The following SLC9A3 variants were observed in gnomAD, a reference collection of about 807,000 sequenced individuals.
SLC9A3 encodes the protein solute carrier family 9 member A3, also known as sodium/hydrogen exchanger 3.
In SLC9A3, 37 loss-of-function variants were observed where a neutral mutation model predicts 86.8. The ratio of observed to expected loss-of-function variants is 0.43; its 90% CI spans 0.33 to 0.56. SLC9A3 has a LOEUF of 0.56. Ranked by LOEUF, SLC9A3 falls within the 20% of genes least tolerant of loss-of-function variation. SLC9A3 has a pLI of 0.06. For missense variants in SLC9A3, 1,011 were observed against 1,171.9 expected (o/e 0.86, Z 2.00); for synonymous variants, 581 against 528.3 (o/e 1.10, Z -1.37).
intron 1 of SLC9A3, among the ~76,000 whole-genome samples, chr5:508,764 A>T (rs1740737791): frequency 1.3e-5 from 2 of 152,216 alleles, no homozygotes; most frequent in Non-Finnish European, 2.9e-5. Flanking sequence ...CGGGAGTCAC[A>T]CATGAGAACT....
intron 1 of SLC9A3, among the ~76,000 whole-genome samples, chr5:509,139 G>GA (rs1220238304): frequency 2.0e-5 from 3 of 150,984 alleles, no homozygotes; most frequent in African/African-American, 4.9e-5. Context: ...AGAAGATAGA[G>GA]AAAAAAAGAC....
intron 1 of SLC9A3, among the ~76,000 whole-genome samples, chr5:510,280 C>T (rs868418165): frequency 6.6e-6 from 1 of 152,212 alleles, no homozygotes; most frequent in Non-Finnish European, 1.5e-5. Context: ...TACGCTGCCA[C>T]GGAGCTCTAA....
At position 497,911 on chromosome 5, in the gene SLC9A3, C is replaced by T. The variant is rs113171364; in HGVS notation, c.212-5840G>A. Among the ~76,000 whole-genome samples, 5,632 of 114,542 alleles carry T rather than the reference C, an allele frequency of 0.049. 585 individuals carry two copies. The highest frequency in any genetic ancestry group is 0.088 in the Non-Finnish European group (3,956 of 45,024). 75.1% of individuals were successfully genotyped at this position (114,542 alleles called of 152,430 possible). On this transcript the variant is annotated intron_variant, in intron 1 of 16. Transcript: ENST00000264938. This position sits in a 1 kb window ranked among gnomAD's most constrained non-coding sequence, Gnocchi z 5.4. The stretch of plus-strand genomic sequence containing the variant: ...TGTCCCGGGTGGGGTCGCCCGGCCG[C>T]ATCCCCAGCCTCTGCCCTCCGACAA...
Position 509,154 on chromosome 5 carries a change from A to G in SLC9A3, c.211+14958T>C, listed in dbSNP as rs551886284. On this transcript the variant is annotated intron_variant, in intron 1 of 16. Coordinates refer to ENST00000264938, the MANE Select transcript of SLC9A3 (RefSeq NM_004174.4). ...AGAAGATAGAGAAAAAAAGACACATAAAGAAAATGTAGGGCCAGGCACAGT... is the reference window on the plus strand; with the variant it reads ...AGAAGATAGAGAAAAAAAGACACATGAAGAAAATGTAGGGCCAGGCACAGT... 4.0e-5 allele frequency among the ~76,000 whole-genome samples: 6 copies of G among 149,440 alleles called. No homozygotes were observed. The South Asian group carries it at 1.3e-3, about 32-fold the overall frequency.
In SLC9A3 at chr5:491,625, ACGGGGCTGCCAG is replaced by A; in HGVS notation, c.514+132_514+143del. On this transcript the variant is annotated intron_variant, in intron 2 of 16. Transcript: ENST00000264938. This position sits in a 1 kb window ranked among gnomAD's most constrained non-coding sequence, Gnocchi z 9.2. ...GGACTGGCCTTGGTCACGAGGGCCTACGGGGCTGCCAGCCACGTTTCTCACCTGACACTTACC... is the reference window on the plus strand; with the variant it reads ...GGACTGGCCTTGGTCACGAGGGCCTACCACGTTTCTCACCTGACACTTACC... The A allele has an allele frequency of 1.4e-6, 1 of 696,676 alleles. No individual in the cohort carries two copies. Among genetic ancestry groups the A allele is most frequent in the Non-Finnish European group, 2.3e-6 (1 of 435,182 alleles). 43.2% of individuals were successfully genotyped at this position (696,676 alleles called of 1,614,324 possible).
At chr5:480,241 A>C (rs1739077638) in intron 9 of SLC9A3, 2 of 381,432 alleles carry the variant, frequency 5.2e-6, no homozygotes, top group Admixed American at 8.7e-5. Flanking sequence ...TGGTCAGGCA[A>C]GGGGGCTTTG....
At position 473,417 on chromosome 5, in the gene SLC9A3, C is replaced by T. The variant is rs1327173060; in HGVS notation, c.2502-35G>A. 17 of 1,375,200 alleles carry T rather than the reference C, an allele frequency of 1.2e-5. No individual in the cohort carries two copies. In the Admixed American group the frequency reaches 3.4e-4, roughly 28 times the overall value. The allele number at this position is 1,375,200 out of a possible 1,614,324, so 85.2% of individuals were successfully genotyped here. On this transcript the variant is annotated intron_variant, in intron 16 of 16. Transcript: ENST00000264938. ...AGGAAGGCGTGAGCGGCGCGCGGAG[C>T]CCGGGCGCTGGGGCGGGAGGGGCGT...
chr5:519,830 G>C (rs531691876), intron 1 of SLC9A3, among the ~76,000 whole-genome samples: 1 of 151,962 alleles, frequency 6.6e-6, no homozygotes, highest in Non-Finnish European at 1.5e-5. Flanking sequence ...CGCTCAGAGG[G>C]GGGTGGGGGG....
intron 10 of SLC9A3, chr5:479,525 G>A (rs924505182): frequency 1.1e-4 from 38 of 344,502 alleles, no homozygotes; most frequent in Non-Finnish European, 1.6e-4. Flanking sequence ...ACCAGGTCCC[G>A]TAACAGCCTG....
intron 1 of SLC9A3, among the ~76,000 whole-genome samples, chr5:504,072 G>A (rs111582840): frequency 0.014 from 2,165 of 151,164 alleles, 58 homozygotes; most frequent in African/African-American, 0.048. Context: ...CATCAATCAC[G>A]GAAGTTTAGC....
In SLC9A3 at chr5:471,783, G is replaced by A. The variant is rs1323218514; in HGVS notation, c.*1596C>T. ...TGCAGTTAGGGTCGAGAGCTTCTCCGAAGCAGCGGTCATGCAGGCTTTTGT... is the reference window on the plus strand; with the variant it reads ...TGCAGTTAGGGTCGAGAGCTTCTCCAAAGCAGCGGTCATGCAGGCTTTTGT... On this transcript the variant is annotated 3_prime_UTR_variant, in exon 17 of 17. Transcript: ENST00000264938. The A allele has an allele frequency of 4.4e-6, 2 of 456,520 alleles. No homozygotes were observed. The highest frequency in any genetic ancestry group is 8.8e-6 in the Non-Finnish European group (2 of 226,934). The allele number at this position is 456,520 out of a possible 1,614,324, so 28.3% of individuals were successfully genotyped here.
At chr5:479,815 C>A (rs200734387) in intron 10 of SLC9A3, 21 bp downstream of exon 10, 11 of 1,611,982 alleles carry the variant, frequency 6.8e-6, no homozygotes, top group Non-Finnish European at 9.3e-6. Flanking sequence ...CCCGACCCGG[C>A]AGAGCAAGCG....
chr5:487,620 G>A (rs976986268), intron 3 of SLC9A3, among the ~76,000 whole-genome samples: 1 of 152,160 alleles, frequency 6.6e-6, no homozygotes, highest in Non-Finnish European at 1.5e-5. Flanking sequence ...TTGTCATGGC[G>A]GCCCTGGCAG....
intron 1 of SLC9A3, among the ~76,000 whole-genome samples, chr5:494,846 C>T (rs1739948163): frequency 6.6e-6 from 1 of 152,204 alleles, no homozygotes; most frequent in Non-Finnish European, 1.5e-5. Flanking sequence ...CTGGCAAGAC[C>T]CACCCAGGCC....
intron 2 of SLC9A3, among the ~76,000 whole-genome samples, chr5:489,713 C>T (rs1178258010): frequency 1.3e-5 from 2 of 152,222 alleles, no homozygotes; most frequent in African/African-American, 4.8e-5. Flanking sequence ...GGACACGAAT[C>T]CCCTTCAAGG....
intron 3 of SLC9A3, among the ~76,000 whole-genome samples, chr5:487,781 T>C (rs1023215823): frequency 5.3e-5 from 8 of 152,228 alleles, no homozygotes; most frequent in Admixed American, 5.2e-4. Context: ...GATTCTCCTG[T>C]CTCAGCCTCC....
rs397737896 is a variant in SLC9A3, at chr5:522,117, C to CTT, written c.211+1994_211+1995insAA. 5.3e-5 allele frequency among the ~76,000 whole-genome samples: 8 copies of CTT among 151,392 alleles called. No homozygotes were observed. The South Asian group carries it at 1.0e-3, about 20-fold the overall frequency. On this transcript the variant is annotated intron_variant, in intron 1 of 16. Transcript: ENST00000264938. ...TCCCACAGCTGCACAGGGTAAGGCT[C>CTT]GCCTTCCCAGGTGGAGCCAACAATC...
At chr5:483,573 T>A in intron 5 of SLC9A3, 91 bp from the exon 6 acceptor site, 1 of 908,602 alleles carries the variant, frequency 1.1e-6, no homozygotes, top group Non-Finnish European at 1.8e-6. Context: ...CTGGCGCCTG[T>A]AGGCCCAGAG....
At chr5:515,447 T>A (rs1002529710) in intron 1 of SLC9A3, among the ~76,000 whole-genome samples, 1 of 152,066 alleles carries the variant, frequency 6.6e-6, no homozygotes, top group Non-Finnish European at 1.5e-5. Flanking sequence ...CACGACACTT[T>A]GGAAATGGAC....
Sources: allele counts gnomAD v4.1 joint callset (sites outside exome capture counted in the v4.1 genomes callset), GRCh38; gene constraint gnomAD v4.1.1; non-coding constraint Gnocchi (gnomAD v3.1); transcripts MANE v1.5; gene names NCBI Gene and HGNC (gene_info 2026-07-23, HGNC 2026-07-21).